Variants in FRMD4B observed in about 807,000 individuals in gnomAD.
The protein encoded by FRMD4B is FERM domain-containing protein 4B.
A neutral mutation model predicts 141.5 loss-of-function variants in FRMD4B; 74 were observed. The observed-to-expected ratio is 0.52, with a 90% CI of 0.43 to 0.63. The LOEUF is 0.63. FRMD4B is among the 30% of genes least tolerant of loss of function. The pLI is 0.00. For missense variants in FRMD4B, 1,366 were observed against 1,253.4 expected, an observed-to-expected ratio of 1.09 and a Z score of -1.36; for synonymous variants, 506 against 467.9, an observed-to-expected ratio of 1.08 and a Z score of -1.05.
At chr3:69,508,784 A>T (rs1199633817) in intron 1 of FRMD4B, among the ~76,000 whole-genome samples, 1 of 152,210 alleles carries the variant, frequency 6.6e-6, no homozygotes, top group Non-Finnish European at 1.5e-5. Flanking sequence ...GCCACCTTTC[A>T]TCATAAAGTG....
At chr3:69,308,100 C>G (rs116611313) in intron 3 of FRMD4B, among the ~76,000 whole-genome samples, 29 of 152,284 alleles carry the variant, frequency 1.9e-4, no homozygotes, top group Admixed American at 1.2e-3. Flanking sequence ...CTCCAGTCCT[C>G]CTTCAGTTTC....
chr3:69,185,082 T>A (rs1022066897), intron 19 of FRMD4B, among the ~76,000 whole-genome samples: 13 of 152,142 alleles, frequency 8.5e-5, no homozygotes, highest in Admixed American at 7.2e-4. Flanking sequence ...GGTGGGTGGA[T>A]CACGAGGTCA....
chr3:69,305,899 A>G (rs143558280), intron 3 of FRMD4B, among the ~76,000 whole-genome samples: 94 of 152,354 alleles, frequency 6.2e-4, no homozygotes, highest in Admixed American at 3.5e-3. Context: ...ACTATTAAAT[A>G]TTGATGAACA....
intron 1 of FRMD4B, among the ~76,000 whole-genome samples, chr3:69,454,487 C>T (rs1021674114): frequency 2.6e-5 from 4 of 152,198 alleles, no homozygotes; most frequent in East Asian, 1.9e-4. Flanking sequence ...CACGGGCCAG[C>T]GCCAGTTCCA....
At chr3:69,354,341 C>CT (rs1236116742) in intron 1 of FRMD4B, among the ~76,000 whole-genome samples, 2 of 151,992 alleles carry the variant, frequency 1.3e-5, no homozygotes, top group Non-Finnish European at 2.9e-5. Flanking sequence ...AATAAATTTA[C>CT]TTTTTTTAAA....
At chr3:69,472,943 T>TC (rs1575814784) in intron 1 of FRMD4B, among the ~76,000 whole-genome samples, 1 of 148,614 alleles carries the variant, frequency 6.7e-6, no homozygotes, top group East Asian at 2.0e-4. Context: ...TTTTTCTTTT[T>TC]TTTTTTTTTT....
intron 1 of FRMD4B, chr3:69,536,259 T>C (rs1701083227): frequency 3.3e-6 from 2 of 610,594 alleles, no homozygotes; most frequent in Admixed American, 5.5e-5. Context: ...TTTTCCGCTC[T>C]CCTGGGGACC....
intron 1 of FRMD4B, among the ~76,000 whole-genome samples, chr3:69,436,156 T>C (rs535206158): frequency 1.3e-5 from 2 of 152,250 alleles, no homozygotes; most frequent in Admixed American, 1.3e-4. Context: ...CACCAGAGAG[T>C]TCCCCTCCCT....
chr3:69,232,879 A>T (rs1165225495), intron 7 of FRMD4B, among the ~76,000 whole-genome samples: 2 of 149,544 alleles, frequency 1.3e-5, no homozygotes, highest in African/African-American at 4.9e-5. Context: ...AAAAATGCCC[A>T]AGCCCCAAAG....
chr3:69,499,711 G>C (rs775111296), intron 1 of FRMD4B, among the ~76,000 whole-genome samples: 4 of 152,172 alleles, frequency 2.6e-5, no homozygotes, highest in Non-Finnish European at 5.9e-5. Flanking sequence ...GAGAGAGAGA[G>C]AGATGGATTC....
At chr3:69,355,700 G>C (rs149184269) in intron 1 of FRMD4B, among the ~76,000 whole-genome samples, 1 of 152,220 alleles carries the variant, frequency 6.6e-6, no homozygotes, top group East Asian at 1.9e-4. Context: ...TATGGTGTGA[G>C]AACACATAGA....
chr3:69,449,502 A>G (rs1705461090), intron 1 of FRMD4B, among the ~76,000 whole-genome samples: 1 of 152,180 alleles, frequency 6.6e-6, no homozygotes, highest in Admixed American at 6.5e-5. Context: ...GCATCTAGAT[A>G]TTATCTCCTA....
intron 1 of FRMD4B, among the ~76,000 whole-genome samples, chr3:69,534,619 C>T (rs75734377): frequency 6.6e-6 from 1 of 152,270 alleles, no homozygotes; most frequent in African/African-American, 2.4e-5. Context: ...TAGCCCTGCA[C>T]CATCCCTTAA....
chr3:69,180,888 A>G lies in FRMD4B; in HGVS notation c.2851+11T>C, dbSNP rs1456161650. The G allele has an allele frequency of 9.7e-6, 15 of 1,546,124 alleles. No homozygotes were observed. Among genetic ancestry groups the G allele is most frequent in the African/African-American group, 2.7e-5 (2 of 73,148 alleles). ...AAATCCAGGTGTTGCGTGTTTTTAC[A>G]GTATTCTCACCTGAAGAGTACGAGG... On this transcript the variant is annotated intron_variant, in intron 21 of 22. Transcript: ENST00000398540.
chr3:69,206,139 G>A (rs2093022526), intron 11 of FRMD4B, among the ~76,000 whole-genome samples: 2 of 152,110 alleles, frequency 1.3e-5, no homozygotes, highest in African/African-American at 2.4e-5. Context: ...ATTGTCTAAA[G>A]TCAGGAGTTC....
intron 7 of FRMD4B, among the ~76,000 whole-genome samples, chr3:69,229,233 C>G (rs2093283200): frequency 6.6e-6 from 1 of 151,986 alleles, no homozygotes; most frequent in Non-Finnish European, 1.5e-5. Context: ...ACTATGTTGA[C>G]CTGGCTGATC....
chr3:69,220,617 C>T (rs1462425473), intron 9 of FRMD4B, among the ~76,000 whole-genome samples: 3 of 152,106 alleles, frequency 2.0e-5, no homozygotes, highest in Non-Finnish European at 2.9e-5. Context: ...TTTGGGAGGC[C>T]GAGTTGGGCA....
intron 1 of FRMD4B, among the ~76,000 whole-genome samples, chr3:69,470,479 T>A (rs1328385966): frequency 1.3e-5 from 2 of 151,160 alleles, no homozygotes; most frequent in African/African-American, 4.9e-5. Flanking sequence ...GTCTTTGGTA[T>A]GTCCAAAGAA....
chr3:69,524,428 A>G (rs1176320856), intron 1 of FRMD4B, among the ~76,000 whole-genome samples: 1 of 152,222 alleles, frequency 6.6e-6, no homozygotes, highest in Non-Finnish European at 1.5e-5. Flanking sequence ...GTTAACTCCA[A>G]ATTAACTAAA....
Sources: gnomAD v4.1 joint callset for allele counts (sites outside exome capture counted in the v4.1 genomes callset) on GRCh38, gnomAD v4.1.1 for gene constraint, MANE v1.5 for transcripts, NCBI Gene and HGNC (gene_info 2026-07-23, HGNC 2026-07-21) for gene names.